The following PARD3B variants were observed in gnomAD, a reference collection of about 807,000 sequenced individuals.
The protein encoded by PARD3B is partitioning defective 3 homolog B.
PARD3B carries 103 observed loss-of-function variants against 130.2 expected under a neutral mutation model. The observed-to-expected ratio is 0.79, with a 90% CI of 0.67 to 0.93. PARD3B has a LOEUF of 0.93. PARD3B is among the 40% of genes least tolerant of loss of function. The probability of loss-of-function intolerance (pLI) is 0.00; values close to 1 mark genes in which losing one functional copy is unlikely to be tolerated. For synonymous variants in PARD3B, 583 were observed against 553.2 expected (o/e 1.05, Z -0.76); for missense variants, 1,609 against 1,499.2 (o/e 1.07, Z -1.21).
chr2:204,549,582 G>GATAACC (rs2030291972), intron 1 of PARD3B, among the ~76,000 whole-genome samples: 1 of 152,048 alleles, frequency 6.6e-6, no homozygotes, highest in Non-Finnish European at 1.5e-5. Flanking sequence ...TGGGTCCTGG[G>GATAACC]CATAGGTATT....
chr2:205,599,285 G>C (rs2054691179), intron 22 of PARD3B, among the ~76,000 whole-genome samples: 1 of 152,030 alleles, frequency 6.6e-6, no homozygotes, highest in African/African-American at 2.4e-5. Context: ...TTACATTGAG[G>C]CACATGCAAA....
intron 15 of PARD3B, among the ~76,000 whole-genome samples, chr2:205,217,894 A>ATATATTTT (rs1559553191): frequency 3.2e-5 from 1 of 31,074 alleles, no homozygotes; most frequent in Non-Finnish European, 5.8e-5. Context: ...ATATATATAT[A>ATATATTTT]TTTTTTTTTT....
chr2:205,451,720 G>A (rs1482112856), intron 20 of PARD3B, among the ~76,000 whole-genome samples: 2 of 150,444 alleles, frequency 1.3e-5, no homozygotes, highest in African/African-American at 2.4e-5. Context: ...GTATTTATGG[G>A]ATGCATGAGA....
chr2:205,067,966 TTTATTTC>T (rs1180438059), intron 4 of PARD3B, among the ~76,000 whole-genome samples: 2 of 152,206 alleles, frequency 1.3e-5, no homozygotes, highest in African/African-American at 2.4e-5. Flanking sequence ...GTTCTGTACT[TTTATTTC>T]TTGCATTGTC....
At chr2:204,729,623 A>G (rs1343077837) in intron 2 of PARD3B, among the ~76,000 whole-genome samples, 2 of 152,220 alleles carry the variant, frequency 1.3e-5, no homozygotes, top group Non-Finnish European at 2.9e-5. Flanking sequence ...TTCAGATAAT[A>G]TTAAATTCTA....
intron 2 of PARD3B, among the ~76,000 whole-genome samples, chr2:204,900,308 T>C (rs2046808850): frequency 6.6e-6 from 1 of 152,184 alleles, no homozygotes; most frequent in Admixed American, 6.5e-5. Flanking sequence ...TCTTTATTCA[T>C]TTTTCTTTTG....
chr2:204,688,284 T>C (rs2037182209), intron 2 of PARD3B, among the ~76,000 whole-genome samples: 1 of 152,068 alleles, frequency 6.6e-6, no homozygotes, highest in Non-Finnish European at 1.5e-5. Context: ...CATTTCTTCT[T>C]CTTAAAAAAT....
chr2:205,362,395 A>G (rs1465716120), intron 18 of PARD3B, among the ~76,000 whole-genome samples: 3 of 152,198 alleles, frequency 2.0e-5, no homozygotes, highest in African/African-American at 4.8e-5. Context: ...GTTAAATAAC[A>G]TTATGTGTCT....
At chr2:205,362,019 C>A (rs1450516192) in intron 18 of PARD3B, among the ~76,000 whole-genome samples, 2 of 151,768 alleles carry the variant, frequency 1.3e-5, no homozygotes, top group Non-Finnish European at 2.9e-5. Flanking sequence ...TAGATTCAAA[C>A]AGCTAGACCT....
intron 21 of PARD3B, among the ~76,000 whole-genome samples, chr2:205,529,028 T>TA (rs1004167827): frequency 6.0e-5 from 9 of 150,286 alleles, no homozygotes; most frequent in African/African-American, 1.2e-4. Context: ...ACTTGAGCAT[T>TA]AAAAAAAAAA....
intron 10 of PARD3B, among the ~76,000 whole-genome samples, chr2:205,132,214 T>C (rs1466152459): frequency 6.6e-6 from 1 of 152,066 alleles, no homozygotes; most frequent in African/African-American, 2.4e-5. Flanking sequence ...GAGAAGAAAA[T>C]ATTGTGGTAG....
intron 6 of PARD3B, among the ~76,000 whole-genome samples, chr2:205,115,710 T>C (rs932676757): frequency 1.3e-5 from 2 of 152,100 alleles, no homozygotes; most frequent in African/African-American, 4.8e-5. Flanking sequence ...ACTCAACCCA[T>C]GTGTCTAGAT....
rs2046401522 is a variant in PARD3B, at chr2:204,890,358, A to G, written c.223-74794A>G. Among the ~76,000 whole-genome samples the G allele has an allele frequency of 6.6e-6, 1 of 152,202 alleles. No homozygotes were observed. Among genetic ancestry groups the G allele is most frequent in the Non-Finnish European group, 1.5e-5 (1 of 68,034 alleles). On this transcript the variant is annotated intron_variant, in intron 2 of 22. Coordinates refer to ENST00000406610, the MANE Select transcript of PARD3B (RefSeq NM_001302769.2). The surrounding 1 kb of genome is among the most constrained non-coding windows in gnomAD (Gnocchi z 4.9). ...TTGGGAATGCTTGTGTTTTCCTAAT[A>G]TATCCAGAAGGAGAAAATAATTTTC...
At chr2:205,209,178 G>A (rs375760898) in intron 15 of PARD3B, among the ~76,000 whole-genome samples, 23 of 138,128 alleles carry the variant, frequency 1.7e-4, no homozygotes, top group South Asian at 4.7e-4. Context: ...TGTAGAAAGC[G>A]GAAACTGGAT....
intron 16 of PARD3B, among the ~76,000 whole-genome samples, chr2:205,278,125 A>G (rs2041024020): frequency 6.6e-6 from 1 of 152,156 alleles, no homozygotes; most frequent in South Asian, 2.1e-4. Flanking sequence ...AAGGACTGAA[A>G]GAAGTTTATT....
At chr2:205,515,544 G>A (rs1174946499) in intron 21 of PARD3B, among the ~76,000 whole-genome samples, 1 of 136,170 alleles carries the variant, frequency 7.3e-6, no homozygotes. Flanking sequence ...ATTCTGATGG[G>A]TGTGAGATGG....
intron 2 of PARD3B, among the ~76,000 whole-genome samples, chr2:204,824,593 GTCT>G (rs2043497040): frequency 6.6e-6 from 1 of 152,086 alleles, no homozygotes; most frequent in African/African-American, 2.4e-5. Flanking sequence ...CCATCACATA[GTCT>G]TCTTCCCACT....
intron 22 of PARD3B, among the ~76,000 whole-genome samples, chr2:205,569,787 A>G (rs917453452): frequency 5.9e-5 from 9 of 152,170 alleles, no homozygotes; most frequent in African/African-American, 1.7e-4. Context: ...TGTTCTGGGA[A>G]TAGTCAAGAT....
At chr2:204,839,776 G>T (rs1287996542) in intron 2 of PARD3B, among the ~76,000 whole-genome samples, 1 of 151,956 alleles carries the variant, frequency 6.6e-6, no homozygotes, top group Admixed American at 6.6e-5. Context: ...GAAGAATTTG[G>T]TTTTTGAAGA....
Sources: allele counts gnomAD v4.1 joint callset (sites outside exome capture counted in the v4.1 genomes callset), GRCh38; gene constraint gnomAD v4.1.1; non-coding constraint Gnocchi (gnomAD v3.1); transcripts MANE v1.5; gene names NCBI Gene and HGNC (gene_info 2026-07-23, HGNC 2026-07-21).